The following ST6GALNAC3 variants were observed in gnomAD, a reference collection of about 807,000 sequenced individuals.
ST6GALNAC3 encodes the protein alpha-N-acetylgalactosaminide alpha-2,6-sialyltransferase 3.
A neutral mutation model predicts 32.7 loss-of-function variants in ST6GALNAC3; 25 were observed. The observed-to-expected ratio is 0.76, with a 90% confidence interval of 0.56 to 1.07. The LOEUF (loss-of-function observed/expected upper bound fraction) is 1.07. ST6GALNAC3 is among the 50% of genes least tolerant of loss of function. The probability of loss-of-function intolerance (pLI) is 0.00; values close to 1 mark genes in which losing one functional copy is unlikely to be tolerated. For missense variants in ST6GALNAC3, 355 were observed against 382.4 expected (o/e 0.93, Z 0.60); for synonymous variants, 129 against 133.1 (o/e 0.97, Z 0.21).
intron 3 of ST6GALNAC3, among the ~76,000 whole-genome samples, chr1:76,413,241 G>A (rs1654391426): frequency 6.6e-6 from 1 of 152,002 alleles, no homozygotes; most frequent in Non-Finnish European, 1.5e-5. Context: ...TATTAAAACA[G>A]AGAAAACAGG....
intron 1 of ST6GALNAC3, among the ~76,000 whole-genome samples, chr1:76,170,903 T>C (rs401290): frequency 0.94 from 142,347 of 152,236 alleles, 67,310 homozygotes; most frequent in East Asian, 1. Flanking sequence ...TTTAAACATT[T>C]TCCAAGAAAA....
At chr1:76,471,747 GTTTTACA>G (rs1355720767) in intron 3 of ST6GALNAC3, among the ~76,000 whole-genome samples, 9 of 151,912 alleles carry the variant, frequency 5.9e-5, no homozygotes, top group Admixed American at 3.9e-4. Flanking sequence ...ATTTCCTTTT[GTTTTACA>G]TTCTTCAGTC....
intron 2 of ST6GALNAC3, among the ~76,000 whole-genome samples, chr1:76,393,433 T>C (rs1357652281): frequency 3.9e-5 from 6 of 152,212 alleles, no homozygotes; most frequent in Admixed American, 1.3e-4. Context: ...CAATTCATAC[T>C]CTTCATTCAT....
intron 3 of ST6GALNAC3, among the ~76,000 whole-genome samples, chr1:76,503,045 G>A (rs74089974): frequency 0.033 from 4,961 of 152,094 alleles, 270 homozygotes; most frequent in African/African-American, 0.11. Context: ...AGAGTTGTAC[G>A]CTAAATAACC....
intron 3 of ST6GALNAC3, among the ~76,000 whole-genome samples, chr1:76,603,018 T>G (rs1018315074): frequency 5.3e-5 from 8 of 152,308 alleles, no homozygotes; most frequent in Non-Finnish European, 1.0e-4. Context: ...CAATGCAAAT[T>G]CAAAGCAAAA....
intron 2 of ST6GALNAC3, among the ~76,000 whole-genome samples, chr1:76,337,194 C>T (rs997189917): frequency 6.6e-6 from 1 of 152,176 alleles, no homozygotes; most frequent in Non-Finnish European, 1.5e-5. Flanking sequence ...TAACCCCCGC[C>T]CCTTGGACAA....
intron 2 of ST6GALNAC3, among the ~76,000 whole-genome samples, chr1:76,347,185 G>C (rs1207080834): frequency 6.6e-6 from 1 of 152,136 alleles, no homozygotes; most frequent in African/African-American, 2.4e-5. Context: ...AAATTAATAA[G>C]ATGCAAATCA....
intron 3 of ST6GALNAC3, among the ~76,000 whole-genome samples, chr1:76,529,732 T>C (rs1303227801): frequency 6.6e-6 from 1 of 152,144 alleles, no homozygotes; most frequent in African/African-American, 2.4e-5. Flanking sequence ...ACAGGAAGAT[T>C]GAGGGACAGC....
chr1:76,432,605 C>T (rs1440902530), intron 3 of ST6GALNAC3, among the ~76,000 whole-genome samples: 1 of 151,820 alleles, frequency 6.6e-6, no homozygotes, highest in African/African-American at 2.4e-5. Flanking sequence ...CAGGCGTGTG[C>T]CACCATGCCT....
chr1:76,280,459 T>C (rs929939158), intron 1 of ST6GALNAC3, among the ~76,000 whole-genome samples: 1 of 152,188 alleles, frequency 6.6e-6, no homozygotes, highest in Non-Finnish European at 1.5e-5. Context: ...TTTTGGTAAA[T>C]GAATACCTAA....
In ST6GALNAC3 at chr1:76,427,680, C is replaced by A. The variant is rs560184898; in HGVS notation, c.623+15263C>A. On this transcript the variant is annotated intron_variant, in intron 3 of 4. Coordinates refer to ENST00000328299, the MANE Select transcript of ST6GALNAC3 (RefSeq NM_152996.4). ...CTACTTTGAACTTTTGGGCTTAAAT[C>A]TATCTAGTTCATTAATTTCTGCCAC... Among the ~76,000 whole-genome samples, 54 of 152,036 alleles carry A rather than the reference C, an allele frequency of 3.6e-4. No individual in the cohort carries two copies. In the South Asian group the frequency reaches 9.7e-3, roughly 27 times the overall value.
chr1:76,348,223 T>C (rs997783446), intron 2 of ST6GALNAC3, among the ~76,000 whole-genome samples: 5 of 152,164 alleles, frequency 3.3e-5, no homozygotes, highest in African/African-American at 9.6e-5. Context: ...AGAGATAACT[T>C]ATTGTTTAGT....
intron 3 of ST6GALNAC3, among the ~76,000 whole-genome samples, chr1:76,434,694 A>G (rs1219172473): frequency 6.6e-6 from 1 of 152,092 alleles, no homozygotes; most frequent in Admixed American, 6.6e-5. Flanking sequence ...TCTTCATGTT[A>G]AATTAAATAC....
intron 3 of ST6GALNAC3, among the ~76,000 whole-genome samples, chr1:76,433,520 C>T (rs1376235972): frequency 3.3e-5 from 5 of 152,064 alleles, no homozygotes; most frequent in South Asian, 2.1e-4. Flanking sequence ...AGCAATGAAA[C>T]GATTTCTATT....
At chr1:76,408,453 AC>A (rs1361300781) in intron 2 of ST6GALNAC3, among the ~76,000 whole-genome samples, 1 of 152,002 alleles carries the variant, frequency 6.6e-6, no homozygotes, top group East Asian at 1.9e-4. Flanking sequence ...ATAATACTCT[AC>A]CCAATGACAT....
At chr1:76,261,441 A>G (rs1478453931) in intron 1 of ST6GALNAC3, among the ~76,000 whole-genome samples, 2 of 152,222 alleles carry the variant, frequency 1.3e-5, no homozygotes, top group Non-Finnish European at 2.9e-5. Context: ...TCACACAACA[A>G]GGAGACACAA....
intron 1 of ST6GALNAC3, among the ~76,000 whole-genome samples, chr1:76,227,682 C>T (rs10493588): frequency 0.066 from 10,075 of 152,234 alleles, 328 homozygotes; most frequent in African/African-American, 0.088. Flanking sequence ...ATTGACTGTG[C>T]GAATTTCTGA....
chr1:76,138,510 C>T (rs1186177059), intron 1 of ST6GALNAC3, among the ~76,000 whole-genome samples: 1 of 152,200 alleles, frequency 6.6e-6, no homozygotes, highest in Non-Finnish European at 1.5e-5. Flanking sequence ...CAGAACCTGA[C>T]CCATGGACCC....
At position 76,627,547 on chromosome 1, in the gene ST6GALNAC3, A is replaced by C. The variant is rs777450931; in HGVS notation, c.719A>C (p.Asp240Ala). The C allele has an allele frequency of 6.2e-7, 1 of 1,611,570 alleles. No homozygotes were observed. Among genetic ancestry groups the C allele is most frequent in the Non-Finnish European group, 8.5e-7 (1 of 1,178,118 alleles). ...ATTCACGTCTACGGGATGATAAATGACACCTACTGCAAGTAAGATCACAAG... is the reference window on the plus strand; with the variant it reads ...ATTCACGTCTACGGGATGATAAATGCCACCTACTGCAAGTAAGATCACAAG... ...YGIHVYGMIN[D>A]TYCKTEGYRK... is the part of the protein sequence containing the mutation. Residue 240 changes from aspartate (D) to alanine (A), a missense_variant, in exon 4 of 5, where the codon GAC (aspartate) becomes GCC (alanine). Transcript: ENST00000328299.
Sources: allele counts gnomAD v4.1 joint callset (sites outside exome capture counted in the v4.1 genomes callset), GRCh38; gene constraint gnomAD v4.1.1; transcripts MANE v1.5; gene names NCBI Gene and HGNC (gene_info 2026-07-23, HGNC 2026-07-21).